MRPL39: variants seen among roughly 807,000 people sequenced by gnomAD.
MRPL39 encodes the protein large ribosomal subunit protein mL39.
In MRPL39, 35 loss-of-function variants were observed where a neutral mutation model predicts 44.5. The ratio of observed to expected loss-of-function variants is 0.79; its 90% CI spans 0.60 to 1.04. The LOEUF (loss-of-function observed/expected upper bound fraction) is 1.04. MRPL39 is among the 50% of genes least tolerant of loss of function. The pLI is 0.00. For missense variants in MRPL39, 433 were observed against 413.5 expected (o/e 1.05, Z -0.41); for synonymous variants, 139 against 136.1 (o/e 1.02, Z -0.15).
In MRPL39 at chr21:25,606,558, T is replaced by A. The variant is rs2031677522; in HGVS notation, c.171A>T (p.Ser57=). 6.2e-7 allele frequency: 1 copy of A among 1,613,824 alleles called. No individual in the cohort carries two copies. Among genetic ancestry groups the A allele is most frequent in the African/African-American group, 1.3e-5 (1 of 75,058 alleles). ...LFNKEKARQL[S]LTPRTEKIEV... ...CTATCTTCTCAGTTCGGGGAGTTAA[T>A]GATAACTGCCTGGCTTTCTCTTTAT... The change falls in exon 2 of 10, where the codon TCA becomes TCT. Residue 57 remains serine (S), a synonymous_variant. Transcript: ENST00000352957.
At chr21:25,603,293 G>A (rs1176421352) in intron 3 of MRPL39, among the ~76,000 whole-genome samples, 2 of 152,066 alleles carry the variant, frequency 1.3e-5, no homozygotes, top group African/African-American at 2.4e-5. Context: ...GATTATACAG[G>A]GCCTGGAAAG....
At chr21:25,586,052 C>T (rs766528156) in intron 9 of MRPL39, among the ~76,000 whole-genome samples, 1 of 152,176 alleles carries the variant, frequency 6.6e-6, no homozygotes, top group Non-Finnish European at 1.5e-5. Context: ...TAAGAAAAAA[C>T]ACCTGAAGTG....
intron 7 of MRPL39, 138 bp from the exon 8 acceptor site, chr21:25,593,103 T>C (rs1470897433): frequency 1.6e-5 from 11 of 682,424 alleles, no homozygotes; most frequent in Non-Finnish European, 2.1e-5. Flanking sequence ...CAGTTTCTAA[T>C]GACCCCTGAC....
At chr21:25,604,984 T>G (rs1166892663) in intron 2 of MRPL39, among the ~76,000 whole-genome samples, 1 of 152,204 alleles carries the variant, frequency 6.6e-6, no homozygotes, top group Non-Finnish European at 1.5e-5. Flanking sequence ...TGTCTTATCC[T>G]CCTCTGTAGT....
intron 4 of MRPL39, among the ~76,000 whole-genome samples, chr21:25,600,617 C>A (rs1249115218): frequency 2.0e-5 from 3 of 151,198 alleles, no homozygotes; most frequent in Non-Finnish European, 4.4e-5. Flanking sequence ...ACCATACTTA[C>A]TATTCCAAAA....
chr21:25,607,108 C>T (rs990949850), intron 1 of MRPL39, among the ~76,000 whole-genome samples: 1 of 152,278 alleles, frequency 6.6e-6, no homozygotes, highest in African/African-American at 2.4e-5. Context: ...CTTGGGAAGA[C>T]ATGGACAGAT....
At chr21:25,593,430 A>C (rs1216740123) in intron 7 of MRPL39, among the ~76,000 whole-genome samples, 1 of 152,206 alleles carries the variant, frequency 6.6e-6, no homozygotes, top group African/African-American at 2.4e-5. Flanking sequence ...TGCAGAATGC[A>C]TTGTCTTGGG....
At chr21:25,589,091 G>A (rs966479939) in intron 8 of MRPL39, among the ~76,000 whole-genome samples, 18 of 152,300 alleles carry the variant, frequency 1.2e-4, no homozygotes, top group Middle Eastern at 3.4e-3. Context: ...GCATGAACCC[G>A]GGAGGCAGAG....
In MRPL39 at chr21:25,601,374, C is replaced by T; in HGVS notation, c.514G>A (p.Val172Ile). The change falls in exon 4 of 10, where the codon GTT (valine) becomes ATT (isoleucine). Residue 172 changes from valine to isoleucine, a missense_variant. Transcript: ENST00000352957. ...ACATATATGTATACACTACCAGGAACTTCTGGAGCTCTGACCAAATTGACC... is the reference window on the plus strand; with the variant it reads ...ACATATATGTATACACTACCAGGAATTTCTGGAGCTCTGACCAAATTGACC... ...YMVNLVRAPE[V>I]PVISGAFCYD... is the part of the protein sequence containing the mutation. The T allele has an allele frequency of 6.2e-7, 1 of 1,607,748 alleles. No homozygotes were observed. The highest frequency in any genetic ancestry group is 1.1e-5 in the South Asian group (1 of 90,276).
intron 6 of MRPL39, among the ~76,000 whole-genome samples, chr21:25,596,134 T>C (rs1389950851): frequency 6.6e-6 from 1 of 152,034 alleles, no homozygotes; most frequent in Non-Finnish European, 1.5e-5. Context: ...AGTCTCGCTC[T>C]TTCGCCCAGG....
intron 1 of MRPL39, among the ~76,000 whole-genome samples, chr21:25,606,921 C>G (rs150844816): frequency 4.6e-5 from 7 of 152,272 alleles, no homozygotes; most frequent in African/African-American, 1.2e-4. Flanking sequence ...CAAAACTGGA[C>G]TAGAGTCATT....
upstream of MRPL39, chr21:25,607,638 AG>A: frequency 1.5e-6 from 1 of 683,724 alleles, no homozygotes; most frequent in Non-Finnish European, 2.4e-6. Context: ...TCAGTGGCTG[AG>A]ACCCCGAGAC....
At chr21:25,594,193 C>A (rs2829814) in intron 6 of MRPL39, among the ~76,000 whole-genome samples, 1 of 150,558 alleles carries the variant, frequency 6.6e-6, no homozygotes, top group Non-Finnish European at 1.5e-5. Flanking sequence ...TTCTTAATAC[C>A]AATGCTCACC....
intron 2 of MRPL39, 39 bp from the exon 3 acceptor site, chr21:25,603,974 A>G (rs201096890): frequency 1.9e-6 from 3 of 1,573,322 alleles, no homozygotes; most frequent in African/African-American, 2.7e-5. Flanking sequence ...AACAAAATCC[A>G]GAGTGAAAAG....
intron 8 of MRPL39, among the ~76,000 whole-genome samples, chr21:25,589,324 A>C (rs2031100838): frequency 6.6e-6 from 1 of 152,238 alleles, no homozygotes; most frequent in Non-Finnish European, 1.5e-5. Context: ...ACAGTCATTA[A>C]AAACCAACTG....
rs1359484545 is a variant in MRPL39, at chr21:25,603,829, A to T, written c.387T>A (p.Thr129=). 3 of 1,611,862 alleles carry T rather than the reference A, an allele frequency of 1.9e-6. No individual in the cohort carries two copies. The East Asian group carries it at 6.7e-5, about 36-fold the overall frequency. Residue 129 remains threonine (T), a synonymous_variant, in exon 3 of 10, where the codon ACT becomes ACA. Transcript: ENST00000352957. ...LTKSCEIKFL[T]FKDCDPGEVN... is the part of the protein sequence containing the mutation. ...CTTCTCCTGGATCACAATCTTTGAA[A>T]GTAAGAAATTTAATTTCACAGGACT...
chr21:25,603,435 A>T (rs1041386790), intron 3 of MRPL39, among the ~76,000 whole-genome samples: 4 of 152,104 alleles, frequency 2.6e-5, no homozygotes, highest in Non-Finnish European at 5.9e-5. Context: ...TAGTGGGGGG[A>T]TGGGTAAGCA....
rs1235132023 is a variant in MRPL39 at position 25,597,397 on chromosome 21, G to A, written c.606C>T (p.Phe202=). 1 of 1,568,038 alleles carries A rather than the reference G, an allele frequency of 6.4e-7. No individual in the cohort carries two copies. Among genetic ancestry groups the A allele is most frequent in the South Asian group, 1.1e-5 (1 of 88,296 alleles). ...AAATTAAAGCATGAGCATCTTTTGT[G>A]AAGGAACGTAAGTTCTCCTTAAAAA... ...WMPTKENLRS[F]TKDAHALIYK... The change falls in exon 6 of 10, where the codon TTC becomes TTT. Residue 202 remains phenylalanine (F), a synonymous_variant. Transcript: ENST00000352957.
At chr21:25,601,537 T>C in intron 3 of MRPL39, 70 bp from the exon 4 acceptor site, 1 of 1,050,998 alleles carries the variant, frequency 9.5e-7, no homozygotes, top group Non-Finnish European at 1.3e-6. Context: ...TTGACAATAT[T>C]AAATTTTAAG....
Sources: gnomAD v4.1 joint callset for allele counts (sites outside exome capture counted in the v4.1 genomes callset) on GRCh38, gnomAD v4.1.1 for gene constraint, MANE v1.5 for transcripts, NCBI Gene and HGNC (gene_info 2026-07-23, HGNC 2026-07-21) for gene names.